Variants in RBFOX1 observed in about 807,000 individuals in gnomAD.
RBFOX1 encodes the protein RNA binding fox-1 homolog 1.
Under a neutral mutation model 57.7 loss-of-function variants are expected in RBFOX1, and 8 were observed. The ratio of observed to expected loss-of-function variants is 0.14; its 90% CI spans 0.08 to 0.25. RBFOX1 has a LOEUF of 0.25. Ranked by LOEUF, RBFOX1 falls within the 10% of genes least tolerant of loss-of-function variation. RBFOX1 has a pLI of 1.00. For synonymous variants in RBFOX1, 326 were observed against 222.4 expected, an observed-to-expected ratio of 1.47 and a Z score of -4.15; for missense variants, 611 against 548.5, an observed-to-expected ratio of 1.11 and a Z score of -1.14.
intron 1 of RBFOX1, among the ~76,000 whole-genome samples, chr16:6,244,677 T>A (rs2097559456): frequency 6.6e-6 from 1 of 152,060 alleles, no homozygotes; most frequent in African/African-American, 2.4e-5. Flanking sequence ...TCCTAGCTAA[T>A]TATTGTATTT....
At chr16:6,935,017 G>A (rs879614668) in intron 3 of RBFOX1, among the ~76,000 whole-genome samples, 1 of 152,022 alleles carries the variant, frequency 6.6e-6, no homozygotes, top group Non-Finnish European at 1.5e-5. Flanking sequence ...GAGCCCAGGA[G>A]GCAGGGGTTG....
At chr16:7,688,632 C>T (rs1029213491) in intron 14 of RBFOX1, among the ~76,000 whole-genome samples, 3 of 151,942 alleles carry the variant, frequency 2.0e-5, no homozygotes, top group African/African-American at 7.2e-5. Context: ...CAAAAGTGGG[C>T]TATGAGGGTG....
chr16:6,628,090 T>C (rs544373130), intron 2 of RBFOX1, among the ~76,000 whole-genome samples: 36 of 152,328 alleles, frequency 2.4e-4, no homozygotes, highest in African/African-American at 8.7e-4. Context: ...CCCTTCTCTG[T>C]TCAGGAGGCA....
intron 2 of RBFOX1, among the ~76,000 whole-genome samples, chr16:6,615,947 G>C (rs757251708): frequency 1.3e-5 from 2 of 152,136 alleles, no homozygotes; most frequent in Non-Finnish European, 2.9e-5. Flanking sequence ...TCTGTGAACA[G>C]TGGTACCGGT....
chr16:7,527,041 A>C (rs1336582638), intron 5 of RBFOX1, among the ~76,000 whole-genome samples: 2 of 152,210 alleles, frequency 1.3e-5, no homozygotes, highest in Admixed American at 1.3e-4. Context: ...GCAACATTAC[A>C]GACTTCGAGT....
chr16:6,542,724 C>T (rs531484099), intron 2 of RBFOX1, among the ~76,000 whole-genome samples: 1 of 148,682 alleles, frequency 6.7e-6, no homozygotes, highest in South Asian at 2.2e-4. Flanking sequence ...GATCTCCTGA[C>T]CTCGTGATCT....
intron 4 of RBFOX1, among the ~76,000 whole-genome samples, chr16:7,280,716 A>G (rs1422507368): frequency 1.3e-5 from 2 of 152,134 alleles, no homozygotes; most frequent in Admixed American, 6.5e-5. Flanking sequence ...TTGATAGTTC[A>G]TTGATATGAG....
intron 14 of RBFOX1, among the ~76,000 whole-genome samples, chr16:7,693,863 G>GA (rs1458996198): frequency 1.3e-5 from 2 of 152,260 alleles, no homozygotes; most frequent in East Asian, 3.9e-4. Flanking sequence ...ATAAGAAGGG[G>GA]ATCTTCATTC....
intron 3 of RBFOX1, among the ~76,000 whole-genome samples, chr16:5,761,911 A>C (rs1485086458): frequency 6.6e-6 from 1 of 152,084 alleles, no homozygotes; most frequent in Non-Finnish European, 1.5e-5. Context: ...GACCCCTATC[A>C]AAGGAAGTTT....
chr16:5,493,731 A>G (rs1327194055), intron 2 of RBFOX1, among the ~76,000 whole-genome samples: 6 of 152,250 alleles, frequency 3.9e-5, no homozygotes, highest in African/African-American at 1.4e-4. Context: ...TGCTCTGCTC[A>G]TTAAAGTTTA....
chr16:6,200,572 G>A (rs539000006), intron 1 of RBFOX1, among the ~76,000 whole-genome samples: 19 of 152,188 alleles, frequency 1.2e-4, no homozygotes, highest in African/African-American at 4.1e-4. Context: ...GGGATTAAAA[G>A]CACCACACTA....
At chr16:5,401,384 CG>C (rs2066709837) in intron 1 of RBFOX1, among the ~76,000 whole-genome samples, 1 of 152,028 alleles carries the variant, frequency 6.6e-6, no homozygotes, top group Non-Finnish European at 1.5e-5. Context: ...GTTTATGCTC[CG>C]GTGTGGTTCA....
intron 3 of RBFOX1, among the ~76,000 whole-genome samples, chr16:5,667,517 G>A (rs968807120): frequency 5.9e-5 from 9 of 152,248 alleles, no homozygotes; most frequent in Non-Finnish European, 1.3e-4. Flanking sequence ...ATGTGAGTGA[G>A]CGAGGTCCAT....
chr16:7,384,720 T>C (rs1363700285), intron 4 of RBFOX1, among the ~76,000 whole-genome samples: 1 of 152,154 alleles, frequency 6.6e-6, no homozygotes, highest in Non-Finnish European at 1.5e-5. Context: ...GAAATAGAGA[T>C]GTAAGTCAGG....
In RBFOX1 at chr16:5,382,256, T is replaced by C. The variant is rs143885244; in HGVS notation, c.220-84960T>C. ...GTGATCAAGGGTACCACATCTTTTA[T>C]GTTTTTAAAAAATGCTCAAATAGTT... On this transcript the variant is annotated intron_variant, in intron 1 of 2. Transcript: ENST00000585867. Among the ~76,000 whole-genome samples, 859 of 152,358 alleles carry C rather than the reference T, an allele frequency of 5.6e-3. 15 individuals are homozygous for C. The highest frequency in any genetic ancestry group is 0.02 in the African/African-American group (811 of 41,586).
At chr16:5,987,784 A>G (rs907190044) in intron 4 of RBFOX1, among the ~76,000 whole-genome samples, 1 of 152,196 alleles carries the variant, frequency 6.6e-6, no homozygotes, top group South Asian at 2.1e-4. Context: ...TGAATGTCCA[A>G]TTGCAACAGC....
At chr16:7,149,181 C>G (rs1481744058) in intron 4 of RBFOX1, among the ~76,000 whole-genome samples, 2 of 151,940 alleles carry the variant, frequency 1.3e-5, no homozygotes, top group Non-Finnish European at 2.9e-5. Flanking sequence ...TTCCCCAATT[C>G]TCCTCCTTCA....
At chr16:5,735,801 G>A (rs1025844221) in intron 3 of RBFOX1, among the ~76,000 whole-genome samples, 8 of 152,058 alleles carry the variant, frequency 5.3e-5, no homozygotes, top group African/African-American at 7.2e-5. Context: ...GCTTGAACTC[G>A]GGAGGCGGAG....
Position 7,410,590 on chromosome 16 carries a change from T to C in RBFOX1, c.28-107557T>C, listed in dbSNP as rs1329890427. On this transcript the variant is annotated intron_variant, in intron 4 of 15. Transcript: ENST00000550418. ...CAGTAAGGAGGCTGAGGCAGCAGAATCACTTGAACCCAGAAGGCAGAGGTT... is the reference window on the plus strand; with the variant it reads ...CAGTAAGGAGGCTGAGGCAGCAGAACCACTTGAACCCAGAAGGCAGAGGTT... 2.0e-5 allele frequency among the ~76,000 whole-genome samples: 3 copies of C among 152,160 alleles called. No homozygotes were observed. In the East Asian group the frequency reaches 5.8e-4, roughly 29 times the overall value.
Sources: allele counts gnomAD v4.1 joint callset (sites outside exome capture counted in the v4.1 genomes callset), GRCh38; gene constraint gnomAD v4.1.1; transcripts MANE v1.5; gene names NCBI Gene and HGNC (gene_info 2026-07-23, HGNC 2026-07-21).